The following CACNB2 variants were observed in gnomAD, a reference collection of about 807,000 sequenced individuals.
CACNB2 encodes the protein calcium voltage-gated channel auxiliary subunit beta 2.
Under a neutral mutation model 73.3 loss-of-function variants are expected in CACNB2, and 42 were observed. The observed-to-expected ratio is 0.57, with a 90% confidence interval of 0.45 to 0.74. The LOEUF (loss-of-function observed/expected upper bound fraction) is 0.74. Among genes scored for constraint, CACNB2 ranks in the 30% least tolerant of loss-of-function variants. The pLI, the probability that CACNB2 is intolerant of heterozygous loss-of-function variation, is 0.00. For missense variants in CACNB2, 940 were observed against 853.0 expected (o/e 1.10, Z -1.27); for synonymous variants, 348 against 310.3 (o/e 1.12, Z -1.28).
intron 3 of CACNB2, among the ~76,000 whole-genome samples, chr10:18,488,850 T>C (rs1417273152): frequency 1.3e-5 from 2 of 151,236 alleles, no homozygotes; most frequent in African/African-American, 4.9e-5. Flanking sequence ...TAGCACCAGC[T>C]CTAACGCTTA....
At chr10:18,149,651 A>G (rs952796858) in intron 1 of CACNB2, among the ~76,000 whole-genome samples, 1 of 152,226 alleles carries the variant, frequency 6.6e-6, no homozygotes, top group Non-Finnish European at 1.5e-5. Flanking sequence ...AAGCATATGA[A>G]TAGAGAAAGC....
intron 2 of CACNB2, among the ~76,000 whole-genome samples, chr10:18,160,554 G>A (rs1489012539): frequency 6.6e-6 from 1 of 152,006 alleles, no homozygotes; most frequent in Non-Finnish European, 1.5e-5. Context: ...CTAATATAAA[G>A]TAACTAGCAT....
intron 2 of CACNB2, among the ~76,000 whole-genome samples, chr10:18,329,868 C>T (rs528702749): frequency 2.0e-5 from 3 of 152,032 alleles, no homozygotes; most frequent in East Asian, 1.9e-4. Context: ...GATGGAGTCT[C>T]GCTCTGTGTC....
chr10:18,403,495 C>T (rs2044117888), intron 3 of CACNB2, among the ~76,000 whole-genome samples: 1 of 152,080 alleles, frequency 6.6e-6, no homozygotes, highest in Admixed American at 6.6e-5. Flanking sequence ...GTTTCACATA[C>T]CAAAATTGAA....
At position 18,379,795 on chromosome 10, in the gene CACNB2, T is replaced by A. The variant is rs2042940130; in HGVS notation, c.214-22129T>A. On this transcript the variant is annotated intron_variant, in intron 2 of 13. Transcript: ENST00000324631. The stretch of plus-strand genomic sequence containing the variant: ...TCAACCTCCCAGTCTCAAACGATTA[T>A]CCCATCTCAGCCTCCCAAGTGGCTG... 2.6e-5 allele frequency among the ~76,000 whole-genome samples: 4 copies of A among 152,110 alleles called. No homozygotes were observed. In the South Asian group the frequency reaches 6.2e-4, roughly 24 times the overall value.
intron 2 of CACNB2, among the ~76,000 whole-genome samples, chr10:18,323,206 G>A (rs369289105): frequency 2.0e-5 from 3 of 151,618 alleles, no homozygotes; most frequent in South Asian, 2.1e-4. Flanking sequence ...CAATCCTCTC[G>A]CCTCAGCCTC....
intron 6 of CACNB2, chr10:18,513,477 C>G: frequency 3.6e-6 from 1 of 279,526 alleles, no homozygotes; most frequent in East Asian, 1.0e-4. Context: ...TGCTCCTCAT[C>G]TTCAAGTCCC....
At chr10:18,220,154 T>TACAC (rs1307338427) in intron 2 of CACNB2, among the ~76,000 whole-genome samples, 1 of 33,636 alleles carries the variant, frequency 3.0e-5, no homozygotes, top group Non-Finnish European at 6.5e-5. Flanking sequence ...TATATATATA[T>TACAC]ACACACACAC....
In CACNB2 at chr10:18,171,543, A is replaced by AAAAAAAAAAAAG. The variant is rs1564314409; in HGVS notation, c.213+20574_213+20575insAAAAAGAAAAAA. Among the ~76,000 whole-genome samples, 237 of 138,862 alleles carry AAAAAAAAAAAAG rather than the reference A, an allele frequency of 1.7e-3. 8 individuals carry two copies. Among genetic ancestry groups the AAAAAAAAAAAAG allele is most frequent in the African/African-American group, 7.3e-3 (225 of 30,866 alleles). 91.1% of individuals were successfully genotyped at this position (138,862 alleles called of 152,430 possible). On this transcript the variant is annotated intron_variant, in intron 2 of 13. Coordinates refer to ENST00000324631, the MANE Select transcript of CACNB2 (RefSeq NM_201596.3). ...GCAGAAAAAAAAAAAAAAAAAAAAAAAAAAAAGGCTATTTGTTCTTCTTCA... is the reference window on the plus strand; with the variant it reads ...GCAGAAAAAAAAAAAAAAAAAAAAAAAAAAAAAAAAAGAAAAAAGGCTATTTGTTCTTCTTCA...
intron 2 of CACNB2, among the ~76,000 whole-genome samples, chr10:18,384,959 A>T (rs139195234): frequency 1.0e-3 from 158 of 152,132 alleles, no homozygotes; most frequent in African/African-American, 3.7e-3. Context: ...TTGGCTGAAC[A>T]GTAGAATCAC....
intron 3 of CACNB2, among the ~76,000 whole-genome samples, chr10:18,438,190 T>TC (rs1392168420): frequency 1.4e-5 from 2 of 144,802 alleles, no homozygotes; most frequent in Non-Finnish European, 3.0e-5. Context: ...GCGATTTTTT[T>TC]TTTTTTTTTT....
At position 18,332,298 on chromosome 10, in the gene CACNB2, C is replaced by T. The variant is rs537913186; in HGVS notation, c.214-69626C>T. 2.0e-5 allele frequency among the ~76,000 whole-genome samples: 3 copies of T among 152,086 alleles called. No homozygotes were observed. The East Asian group carries it at 5.8e-4, about 29-fold the overall frequency. On this transcript the variant is annotated intron_variant, in intron 2 of 13. Transcript: ENST00000324631. ...TGAGAGGTGGCAAGGGTTGGATTTG[C>T]GAAATACTTTGGAGTTAGCATGGAC...
chr10:18,380,702 A>G (rs61839226), intron 2 of CACNB2, among the ~76,000 whole-genome samples: 37,913 of 151,554 alleles, frequency 0.25, 5,251 homozygotes, highest in East Asian at 0.66. Flanking sequence ...TGATCTGCCC[A>G]CCTCAGCCTC....
chr10:18,423,916 G>A (rs557764240), intron 3 of CACNB2, among the ~76,000 whole-genome samples: 1 of 152,120 alleles, frequency 6.6e-6, no homozygotes, highest in African/African-American at 2.4e-5. Context: ...TTTTCTGCAG[G>A]TGTTGACTAC....
At chr10:18,374,972 T>G (rs897940758) in intron 2 of CACNB2, among the ~76,000 whole-genome samples, 9 of 152,092 alleles carry the variant, frequency 5.9e-5, no homozygotes, top group South Asian at 2.1e-4. Context: ...TCCCTAAGAT[T>G]TAGCCTAAGG....
At chr10:18,407,810 T>C (rs1197102377) in intron 3 of CACNB2, among the ~76,000 whole-genome samples, 1 of 152,198 alleles carries the variant, frequency 6.6e-6, no homozygotes, top group Non-Finnish European at 1.5e-5. Context: ...ATTCTTCTTT[T>C]CTTCATTTAT....
chr10:18,394,617 C>T (rs536835850), intron 2 of CACNB2, among the ~76,000 whole-genome samples: 1 of 152,040 alleles, frequency 6.6e-6, no homozygotes, highest in Admixed American at 6.6e-5. Context: ...GCAATGAGTC[C>T]CCTGCTTCGT....
intron 2 of CACNB2, among the ~76,000 whole-genome samples, chr10:18,268,683 G>A (rs530469116): frequency 2.0e-5 from 3 of 152,166 alleles, no homozygotes; most frequent in Non-Finnish European, 4.4e-5. Context: ...ACATCATTAA[G>A]TATGTTGCAA....
chr10:18,538,240 G>A lies in CACNB2; in HGVS notation c.1363G>A (p.Asp455Asn), dbSNP rs780208478. 6.2e-6 allele frequency: 10 copies of A among 1,614,066 alleles called. No homozygotes were observed. Among genetic ancestry groups the A allele is most frequent in the African/African-American group, 1.3e-5 (1 of 74,998 alleles). ...QLEDACEHLA[D>N]YLEAYWKATH... ...TGAGGATGCCTGTGAGCACCTTGCC[G>A]ACTATCTGGAGGCCTACTGGAAGGC... The change falls in exon 13 of 14, where the codon GAC becomes AAC. Residue 455 changes from aspartate (D) to asparagine (N), a missense_variant. Asp to Asn is a conservative substitution (Grantham distance 23). Transcript: ENST00000324631.
Sources: allele counts gnomAD v4.1 joint callset (sites outside exome capture counted in the v4.1 genomes callset), GRCh38; gene constraint gnomAD v4.1.1; transcripts MANE v1.5; gene names NCBI Gene and HGNC (gene_info 2026-07-23, HGNC 2026-07-21).